Variants in CTNNA3 observed in about 807,000 individuals in gnomAD.
The protein encoded by CTNNA3 is catenin alpha-3.
CTNNA3 carries 76 observed loss-of-function variants against 95.7 expected under a neutral mutation model. The observed-to-expected ratio is 0.79, with a 90% CI of 0.66 to 0.96. The LOEUF is 0.96. Ranked by LOEUF, CTNNA3 falls within the 40% of genes least tolerant of loss-of-function variation. The probability of loss-of-function intolerance (pLI) is 0.00; values close to 1 mark genes in which losing one functional copy is unlikely to be tolerated. For synonymous variants in CTNNA3, 431 were observed against 374.4 expected (o/e 1.15, Z -1.74); for missense variants, 1,191 against 1,089.8 (o/e 1.09, Z -1.31).
chr10:66,541,190 A>G (rs904424428), intron 10 of CTNNA3, among the ~76,000 whole-genome samples: 7 of 152,150 alleles, frequency 4.6e-5, no homozygotes, highest in Admixed American at 3.9e-4. Context: ...ATCATTGTAT[A>G]GGTGTGGCTT....
chr10:66,112,157 T>C (rs956319539), intron 13 of CTNNA3, among the ~76,000 whole-genome samples: 1 of 152,118 alleles, frequency 6.6e-6, no homozygotes, highest in Non-Finnish European at 1.5e-5. Context: ...ATAGGGTTAA[T>C]CTCCTGAATA....
At chr10:67,213,711 A>C (rs1245795333) in intron 6 of CTNNA3, among the ~76,000 whole-genome samples, 1 of 151,782 alleles carries the variant, frequency 6.6e-6, no homozygotes, top group Non-Finnish European at 1.5e-5. Context: ...GTAGTTATAC[A>C]GATATGGTTT....
intron 1 of CTNNA3, among the ~76,000 whole-genome samples, chr10:67,745,241 C>G (rs1841367613): frequency 6.6e-6 from 1 of 151,970 alleles, no homozygotes; most frequent in African/African-American, 2.4e-5. Flanking sequence ...TCACGATAGC[C>G]AAGACTTGGA....
chr10:66,740,562 G>C (rs1443689933), intron 9 of CTNNA3, among the ~76,000 whole-genome samples: 1 of 152,142 alleles, frequency 6.6e-6, no homozygotes, highest in Non-Finnish European at 1.5e-5. Flanking sequence ...TTCCATTTAA[G>C]TGGAATAAAA....
chr10:67,335,091 A>G (rs1039309370), intron 5 of CTNNA3, among the ~76,000 whole-genome samples: 1 of 152,120 alleles, frequency 6.6e-6, no homozygotes, highest in Non-Finnish European at 1.5e-5. Flanking sequence ...AGCCAGAGCC[A>G]CTGTCAGTAT....
intron 5 of CTNNA3, among the ~76,000 whole-genome samples, chr10:67,387,482 G>A (rs995108993): frequency 2.6e-5 from 4 of 152,210 alleles, no homozygotes; most frequent in African/African-American, 7.2e-5. Flanking sequence ...GAGGCTGGGG[G>A]AGGGGCGCCC....
At chr10:66,540,842 A>G (rs996050896) in intron 10 of CTNNA3, among the ~76,000 whole-genome samples, 1 of 152,148 alleles carries the variant, frequency 6.6e-6, no homozygotes, top group Admixed American at 6.6e-5. Flanking sequence ...CAGAGCTTTC[A>G]AGACTGTATG....
intron 5 of CTNNA3, among the ~76,000 whole-genome samples, chr10:67,236,821 T>TA (rs1460740576): frequency 2.6e-5 from 4 of 151,058 alleles, no homozygotes; most frequent in Admixed American, 2.0e-4. Flanking sequence ...AAAAAATAAA[T>TA]AAAAAACAGT....
chr10:66,179,619 C>A (rs893315309), intron 13 of CTNNA3, among the ~76,000 whole-genome samples: 11 of 152,054 alleles, frequency 7.2e-5, no homozygotes, highest in Non-Finnish European at 1.2e-4. Flanking sequence ...AAATAATTTG[C>A]AAGCTCTGAA....
chr10:66,407,456 A>G (rs2093066813), intron 11 of CTNNA3, among the ~76,000 whole-genome samples: 1 of 151,954 alleles, frequency 6.6e-6, no homozygotes, highest in Non-Finnish European at 1.5e-5. Flanking sequence ...AACTCTGAAC[A>G]CTGCTGTTTG....
intron 9 of CTNNA3, among the ~76,000 whole-genome samples, chr10:66,740,389 T>C (rs1589196033): frequency 6.6e-6 from 1 of 152,322 alleles, no homozygotes; most frequent in Non-Finnish European, 1.5e-5. Context: ...GTTTAGAAGA[T>C]TTTATGTTTC....
intron 1 of CTNNA3, among the ~76,000 whole-genome samples, chr10:67,658,479 A>C (rs1840088964): frequency 6.6e-6 from 1 of 152,206 alleles, no homozygotes; most frequent in African/African-American, 2.4e-5. Flanking sequence ...GATTGTTTTC[A>C]TAACAAAAGA....
At chr10:67,027,984 C>A (rs1853494937) in intron 7 of CTNNA3, among the ~76,000 whole-genome samples, 1 of 152,016 alleles carries the variant, frequency 6.6e-6, no homozygotes, top group African/African-American at 2.4e-5. Context: ...TCATAACAAC[C>A]CTGTGAAGCA....
chr10:66,328,911 C>CATATATACATATATAT (rs2092289535), intron 12 of CTNNA3, among the ~76,000 whole-genome samples: 1 of 86,492 alleles, frequency 1.2e-5, no homozygotes, highest in African/African-American at 3.7e-5. Flanking sequence ...CACATATATA[C>CATATATACATATATAT]ATATATATAT....
intron 12 of CTNNA3, among the ~76,000 whole-genome samples, chr10:66,325,674 T>TA (rs1255859624): frequency 4.6e-5 from 7 of 152,242 alleles, no homozygotes; most frequent in African/African-American, 1.7e-4. Flanking sequence ...AACCAAGTCA[T>TA]AAGGCATGCC....
At chr10:66,086,595 A>T (rs571983851) in intron 14 of CTNNA3, among the ~76,000 whole-genome samples, 1 of 152,282 alleles carries the variant, frequency 6.6e-6, no homozygotes, top group South Asian at 2.1e-4. Flanking sequence ...TTAAAAAGGA[A>T]GAAAAAATTA....
chr10:67,297,896 A>G (rs751539249), intron 5 of CTNNA3, among the ~76,000 whole-genome samples: 1 of 152,264 alleles, frequency 6.6e-6, no homozygotes, highest in Non-Finnish European at 1.5e-5. Context: ...TTGTTGGCAG[A>G]TAAGAAATCT....
intron 6 of CTNNA3, among the ~76,000 whole-genome samples, chr10:67,217,197 G>A (rs927161396): frequency 4.6e-5 from 7 of 152,262 alleles, no homozygotes; most frequent in African/African-American, 1.7e-4. Context: ...ATTTGCAGGA[G>A]CAAAATAGAG....
At chr10:66,756,620 C>T (rs376283823) in intron 9 of CTNNA3, among the ~76,000 whole-genome samples, 29 of 152,174 alleles carry the variant, frequency 1.9e-4, no homozygotes, top group Non-Finnish European at 3.7e-4. Flanking sequence ...CCTACCCTAA[C>T]ATTGCTTGCA....
Sources: allele counts gnomAD v4.1 joint callset (sites outside exome capture counted in the v4.1 genomes callset), GRCh38; gene constraint gnomAD v4.1.1; transcripts MANE v1.5; gene names NCBI Gene and HGNC (gene_info 2026-07-23, HGNC 2026-07-21).